DOCK2: variants seen among roughly 807,000 people sequenced by gnomAD.
The protein encoded by DOCK2 is dedicator of cytokinesis 2.
Under a neutral mutation model 248.9 loss-of-function variants are expected in DOCK2, and 87 were observed. That is an observed-to-expected ratio of 0.35 (90% CI 0.29 to 0.42). DOCK2 has a LOEUF of 0.42. Among genes scored for constraint, DOCK2 ranks in the 10% least tolerant of loss-of-function variants. The pLI is 1.00. For synonymous variants in DOCK2, 805 were observed against 821.6 expected (o/e 0.98, Z 0.35); for missense variants, 1,747 against 2,300.2 (o/e 0.76, Z 4.92).
chr5:169,834,580 C>T (rs113593582), intron 26 of DOCK2, among the ~76,000 whole-genome samples: 10 of 52,134 alleles, frequency 1.9e-4, no homozygotes, highest in Non-Finnish European at 3.4e-4. Context: ...AGACCACAAG[C>T]CCTACTCACA....
Position 169,842,101 on chromosome 5 carries a change from T to G in DOCK2, c.2799+1249T>G, listed in dbSNP as rs528244475. ...AAACTGAAAATTTCCATGTTTTGTA[T>G]GAAATTTTCTGATATTTCAGTGTTG... On this transcript the variant is annotated intron_variant, in intron 27 of 51. Coordinates refer to ENST00000520908, the MANE Select transcript of DOCK2 (RefSeq NM_004946.3). Among the ~76,000 whole-genome samples the G allele has an allele frequency of 2.6e-5, 4 of 152,358 alleles. No individual in the cohort carries two copies. In the South Asian group the frequency reaches 6.2e-4, roughly 24 times the overall value.
rs191948309 is a variant in DOCK2, at chr5:169,757,172, G to A, written c.2377-2533G>A. On this transcript the variant is annotated intron_variant, in intron 23 of 51. Transcript: ENST00000520908. ...ACACCTCATCACTTCCCACTGCCCT[G>A]TCCTCATTCCATATCACTTCTTTCT... Among the ~76,000 whole-genome samples, 67 of 152,160 alleles carry A rather than the reference G, an allele frequency of 4.4e-4. 1 individual carries two copies. The highest frequency in any genetic ancestry group is 1.6e-3 in the African/African-American group (66 of 41,526).
chr5:169,846,786 T>C (rs1203395862), intron 27 of DOCK2, among the ~76,000 whole-genome samples: 1 of 152,176 alleles, frequency 6.6e-6, no homozygotes, highest in African/African-American at 2.4e-5. Flanking sequence ...GAGATTTTAG[T>C]GCACCCATCA....
At chr5:169,790,732 T>C (rs571666657) in intron 25 of DOCK2, among the ~76,000 whole-genome samples, 7 of 152,344 alleles carry the variant, frequency 4.6e-5, no homozygotes, top group African/African-American at 1.7e-4. Context: ...TAACTGCAAC[T>C]GAATTTGTAT....
intron 1 of DOCK2, among the ~76,000 whole-genome samples, chr5:169,651,004 A>G (rs994917074): frequency 1.3e-5 from 2 of 152,092 alleles, no homozygotes; most frequent in Non-Finnish European, 2.9e-5. Flanking sequence ...GCAGGCTATG[A>G]TTTCTTCCTC....
At chr5:169,664,167 T>A (rs558226694) in intron 2 of DOCK2, among the ~76,000 whole-genome samples, 2 of 152,346 alleles carry the variant, frequency 1.3e-5, no homozygotes, top group East Asian at 3.9e-4. Flanking sequence ...TACAGATCTC[T>A]AGGGCAGGGG....
chr5:169,934,283 G>T (rs1257078349), intron 27 of DOCK2, among the ~76,000 whole-genome samples: 1 of 152,172 alleles, frequency 6.6e-6, no homozygotes, highest in Non-Finnish European at 1.5e-5. Flanking sequence ...ATTTACCCGG[G>T]AAGACTTCTC....
chr5:170,054,780 C>T (rs774401113), intron 41 of DOCK2, among the ~76,000 whole-genome samples: 2 of 152,164 alleles, frequency 1.3e-5, no homozygotes, highest in Non-Finnish European at 2.9e-5. Flanking sequence ...GTCAAAGGGC[C>T]GCCTTTGAGT....
At chr5:170,047,741 C>T in intron 40 of DOCK2, 127 bp downstream of exon 40, 1 of 768,922 alleles carries the variant, frequency 1.3e-6, no homozygotes. Context: ...AGTGCTGCCC[C>T]CATCCCCAGG....
At chr5:169,829,164 A>T (rs1448433832) in intron 26 of DOCK2, among the ~76,000 whole-genome samples, 1 of 152,108 alleles carries the variant, frequency 6.6e-6, no homozygotes, top group East Asian at 1.9e-4. Context: ...TGGGAAATGG[A>T]AGGGTGGAAA....
intron 20 of DOCK2, 70 bp downstream of exon 20, chr5:169,716,372 A>T: frequency 6.6e-7 from 1 of 1,514,906 alleles, no homozygotes. Context: ...AAATACTGAG[A>T]ACTCATGGCC....
chr5:169,654,689 G>A (rs1758003806), intron 2 of DOCK2, among the ~76,000 whole-genome samples: 1 of 152,226 alleles, frequency 6.6e-6, no homozygotes, highest in African/African-American at 2.4e-5. Context: ...AGCCTAACTG[G>A]GTGGTTCGAT....
intron 27 of DOCK2, among the ~76,000 whole-genome samples, chr5:169,851,519 GATA>G (rs1418488508): frequency 1.1e-4 from 17 of 152,230 alleles, no homozygotes; most frequent in African/African-American, 4.1e-4. Context: ...AGTGCTCCTA[GATA>G]ATGATGATGA....
chr5:169,946,482 G>A (rs1776454461), intron 27 of DOCK2, among the ~76,000 whole-genome samples: 1 of 152,212 alleles, frequency 6.6e-6, no homozygotes, highest in Admixed American at 6.5e-5. Context: ...CTTTACCCCA[G>A]CTCCTGTGTT....
chr5:169,715,608 TA>T (rs1181578802), intron 19 of DOCK2, among the ~76,000 whole-genome samples: 80 of 149,094 alleles, frequency 5.4e-4, no homozygotes, highest in African/African-American at 1.3e-3. Flanking sequence ...TTTTTTTTTT[TA>T]AAAAAGTTTG....
At chr5:169,638,347 A>G (rs1184098306) in intron 1 of DOCK2, among the ~76,000 whole-genome samples, 23 of 152,146 alleles carry the variant, frequency 1.5e-4, no homozygotes, top group Non-Finnish European at 2.9e-4. Flanking sequence ...GGTCATTTTG[A>G]TATAAATGGT....
intron 25 of DOCK2, among the ~76,000 whole-genome samples, chr5:169,777,158 C>T (rs945427424): frequency 6.6e-6 from 1 of 152,204 alleles, no homozygotes; most frequent in Non-Finnish European, 1.5e-5. Context: ...ACTTTTCAAA[C>T]ACAAAGGTGC....
chr5:169,765,680 CAG>C (rs1049805280), intron 25 of DOCK2, among the ~76,000 whole-genome samples: 3 of 152,076 alleles, frequency 2.0e-5, no homozygotes, highest in Non-Finnish European at 4.4e-5. Context: ...AAAACAAACA[CAG>C]AGAGAGATTG....
At position 169,883,943 on chromosome 5, in the gene DOCK2, A is replaced by G. The variant is rs112645446; in HGVS notation, c.2799+43091A>G. 1.0e-2 allele frequency: 14,379 copies of G among 1,440,322 alleles called. 122 individuals are homozygous for G. The highest frequency in any genetic ancestry group is 0.01 in the Non-Finnish European group (11,274 of 1,091,300). 89.2% of individuals were successfully genotyped at this position (1,440,322 alleles called of 1,614,324 possible). A position where few individuals can be genotyped will look rare whatever the true frequency, so the allele number is the denominator to read the frequency against. On this transcript the variant is annotated intron_variant, in intron 27 of 51. Transcript: ENST00000520908. ...TCAGGACCATACACTTCTCCTAGGC[A>G]CATCTCCCCTTAGGTCTTTGGAGCA... is the stretch of plus-strand genomic sequence containing the variant.
Sources: gnomAD v4.1 joint callset for allele counts (sites outside exome capture counted in the v4.1 genomes callset) on GRCh38, gnomAD v4.1.1 for gene constraint, MANE v1.5 for transcripts, NCBI Gene and HGNC (gene_info 2026-07-23, HGNC 2026-07-21) for gene names.